EPB41L3: variants seen among roughly 807,000 people sequenced by gnomAD.
EPB41L3 encodes the protein band 4.1-like protein 3.
Under a neutral mutation model 127.1 loss-of-function variants are expected in EPB41L3, and 57 were observed. The observed-to-expected ratio is 0.45, with a 90% CI of 0.36 to 0.56. The LOEUF (loss-of-function observed/expected upper bound fraction) is 0.56, where lower values mean the gene tolerates loss of function less well. Among genes scored for constraint, EPB41L3 ranks in the 20% least tolerant of loss-of-function variants. The pLI is 0.00. For missense variants in EPB41L3, 1,273 were observed against 1,372.2 expected (o/e 0.93, Z 1.14); for synonymous variants, 572 against 549.5 (o/e 1.04, Z -0.57).
chr18:5,501,986 CT>C (rs1241817995), intron 1 of EPB41L3, among the ~76,000 whole-genome samples: 10 of 152,252 alleles, frequency 6.6e-5, no homozygotes, highest in African/African-American at 2.2e-4. Context: ...CTCAAATACT[CT>C]GTTATGAAAG....
chr18:5,512,255 A>C lies in EPB41L3; in HGVS notation c.-11-23061T>G, dbSNP rs115387921. ...TCTAAGACAGCTGAGAAATGCCATTAAAAAGGCCTGGATGCTACAGGACAT... is the reference window on the plus strand; with the variant it reads ...TCTAAGACAGCTGAGAAATGCCATTCAAAAGGCCTGGATGCTACAGGACAT... On this transcript the variant is annotated intron_variant, in intron 1 of 22. Transcript: ENST00000341928. 6.7e-3 allele frequency among the ~76,000 whole-genome samples: 1,019 copies of C among 152,362 alleles called. 11 individuals are homozygous for C. The highest frequency in any genetic ancestry group is 0.023 in the African/African-American group (957 of 41,584).
intron 1 of EPB41L3, among the ~76,000 whole-genome samples, chr18:5,494,983 C>T (rs982447562): frequency 6.6e-6 from 1 of 152,198 alleles, no homozygotes; most frequent in Admixed American, 6.5e-5. Context: ...TCCATTGTTT[C>T]AGCTCAAAGC....
In EPB41L3 at chr18:5,396,283, C is replaced by G; in HGVS notation, c.2891G>C (p.Gly964Ala). 1 of 1,614,218 alleles carries G rather than the reference C, an allele frequency of 6.2e-7. No individual in the cohort carries two copies. Among genetic ancestry groups the G allele is most frequent in the Non-Finnish European group, 8.5e-7 (1 of 1,180,032 alleles). The change falls in exon 19 of 23, where the codon GGA becomes GCA. Residue 964 changes from glycine (G) to alanine (A), a missense_variant. By Grantham distance (60) the Gly-to-Ala change is moderately conservative. Coordinates refer to ENST00000341928, the MANE Select transcript of EPB41L3 (RefSeq NM_012307.5). ...CGTGGAAATTTCTAGCTTTACTCCT[C>G]CCGGTGAAACACTGCCAAAACTGAT... ...ETISFGSVSP[G>A]GVKLEISTKE...
intron 2 of EPB41L3, among the ~76,000 whole-genome samples, chr18:5,484,085 T>TCAAAAAAAAAAAAAAAAA (rs1568375076): frequency 1.6e-3 from 6 of 3,832 alleles, no homozygotes; most frequent in Admixed American, 7.1e-3. Flanking sequence ...CCAAACAAAC[T>TCAAAAAAAAAAAAAAAAA]CAAAAAAAAA....
At chr18:5,629,838 G>A (rs1249090893), upstream of EPB41L3, among the ~76,000 whole-genome samples, 2 of 152,216 alleles carry the variant, frequency 1.3e-5, no homozygotes, top group African/African-American at 4.8e-5. Flanking sequence ...CGGCGAGGGC[G>A]GGGAGGGGAG....
At chr18:5,458,903 T>G (rs2083511266) in intron 3 of EPB41L3, among the ~76,000 whole-genome samples, 1 of 152,180 alleles carries the variant, frequency 6.6e-6, no homozygotes, top group Non-Finnish European at 1.5e-5. Flanking sequence ...TGCTTTAAAA[T>G]TTTCATGGGT....
At chr18:5,515,483 T>C (rs1281050545) in intron 1 of EPB41L3, among the ~76,000 whole-genome samples, 1 of 152,204 alleles carries the variant, frequency 6.6e-6, no homozygotes, top group Non-Finnish European at 1.5e-5. Flanking sequence ...AAAGCAATAC[T>C]AGAAACTTCC....
intron 13 of EPB41L3, 62 bp from the exon 14 acceptor site, chr18:5,410,681 G>A: frequency 7.3e-7 from 1 of 1,363,638 alleles, no homozygotes; most frequent in Non-Finnish European, 1.0e-6. Flanking sequence ...TAAACCATCT[G>A]GTTAAACACG....
chr18:5,535,005 G>A (rs566994035), intron 1 of EPB41L3, among the ~76,000 whole-genome samples: 54 of 152,158 alleles, frequency 3.5e-4, no homozygotes, highest in Non-Finnish European at 5.0e-4. Context: ...GGTGGTGAGC[G>A]GTGGGTGAGT....
chr18:5,562,806 C>T (rs1257752922), intron 3 of EPB41L3, among the ~76,000 whole-genome samples: 1 of 152,200 alleles, frequency 6.6e-6, no homozygotes, highest in African/African-American at 2.4e-5. Context: ...CATCAGAGCC[C>T]TCTGATACTT....
At chr18:5,598,163 A>C (rs2094554947) in intron 3 of EPB41L3, among the ~76,000 whole-genome samples, 1 of 152,208 alleles carries the variant, frequency 6.6e-6, no homozygotes, top group Non-Finnish European at 1.5e-5. Flanking sequence ...GCAAGGTCAA[A>C]GAATTGCCCG....
At chr18:5,542,484 T>A (rs951000255) in intron 1 of EPB41L3, among the ~76,000 whole-genome samples, 2 of 122,006 alleles carry the variant, frequency 1.6e-5, no homozygotes, top group African/African-American at 6.2e-5. Context: ...CCACCCCCCC[T>A]CAACAAAAAG....
At chr18:5,539,250 C>CTCTT (rs1213311128) in intron 1 of EPB41L3, among the ~76,000 whole-genome samples, 2 of 420 alleles carry the variant, frequency 4.8e-3, no homozygotes, top group Admixed American at 0.031. Context: ...TTTCTGCTTT[C>CTCTT]TCTCTCTCTC....
chr18:5,510,385 T>C (rs1291710369), intron 1 of EPB41L3, among the ~76,000 whole-genome samples: 1 of 152,138 alleles, frequency 6.6e-6, no homozygotes, highest in Non-Finnish European at 1.5e-5. Context: ...TGGAGTATGG[T>C]AGGTGGAGCC....
chr18:5,395,142 C>G lies in EPB41L3; in HGVS notation c.3078G>C (p.Val1026=). The change falls in exon 21 of 23, where the codon GTG becomes GTC. Residue 1026 remains valine, a synonymous_variant. Coordinates refer to ENST00000341928, the MANE Select transcript of EPB41L3 (RefSeq NM_012307.5). ...TTTTTHITKT[V]KGGISETRIE... is the part of the protein sequence containing the mutation. Reference sequence around the variant, plus strand: ...TTCTTGTCTCTGAAATGCCCCCTTTCACAGTCTGCAAGACACGTAGAGAAG... The same window carrying G: ...TTCTTGTCTCTGAAATGCCCCCTTTGACAGTCTGCAAGACACGTAGAGAAG... 1 of 1,614,004 alleles carries G rather than the reference C, an allele frequency of 6.2e-7. No homozygotes were observed. Among genetic ancestry groups the G allele is most frequent in the South Asian group, 1.1e-5 (1 of 91,084 alleles).
intron 3 of EPB41L3, among the ~76,000 whole-genome samples, chr18:5,472,729 T>C (rs1415177116): frequency 1.3e-5 from 2 of 152,184 alleles, no homozygotes; most frequent in African/African-American, 4.8e-5. Flanking sequence ...ATGTAACCTA[T>C]AGAAGTTGGA....
rs12607210 is a variant in EPB41L3 at position 5,423,632 on chromosome 18, A to C, written c.1164-79T>G. 8.3e-6 allele frequency: 11 copies of C among 1,326,548 alleles called. No homozygotes were observed. The African/African-American group carries it at 1.3e-4, about 16-fold the overall frequency. The allele number at this position is 1,326,548 out of a possible 1,614,324, so 82.2% of individuals were successfully genotyped here. On this transcript the variant is annotated intron_variant, in intron 10 of 22. Coordinates refer to ENST00000341928, the MANE Select transcript of EPB41L3 (RefSeq NM_012307.5). ...TGCTTTTTAAACTTTTTACTCTGAG[A>C]GGTCATGTGTTTTGCATGCTAAACA...
At chr18:5,436,828 T>C (rs1395596186) in intron 6 of EPB41L3, among the ~76,000 whole-genome samples, 2 of 152,236 alleles carry the variant, frequency 1.3e-5, no homozygotes, top group South Asian at 2.1e-4. Context: ...TTATAACTTT[T>C]CTCTGATTTA....
At chr18:5,465,091 C>A (rs2084718237) in intron 3 of EPB41L3, among the ~76,000 whole-genome samples, 1 of 152,200 alleles carries the variant, frequency 6.6e-6, no homozygotes, top group East Asian at 1.9e-4. Flanking sequence ...AGCAACAGAA[C>A]CTTAGCTACA....
Sources: allele counts gnomAD v4.1 joint callset (sites outside exome capture counted in the v4.1 genomes callset), GRCh38; gene constraint gnomAD v4.1.1; transcripts MANE v1.5; gene names NCBI Gene and HGNC (gene_info 2026-07-23, HGNC 2026-07-21).